Variants in SPAM1 observed in about 807,000 individuals in gnomAD.
SPAM1 encodes the protein hyaluronidase PH-20.
In SPAM1, 22 loss-of-function variants were observed where a neutral mutation model predicts 29.6. That is an observed-to-expected ratio of 0.74 (90% CI 0.53 to 1.06). SPAM1 has a LOEUF of 1.06. SPAM1 is among the 50% of genes least tolerant of loss of function. The pLI is 0.00. For missense variants in SPAM1, 534 were observed against 604.0 expected, an observed-to-expected ratio of 0.88 and a Z score of 1.21; for synonymous variants, 194 against 204.6, an observed-to-expected ratio of 0.95 and a Z score of 0.44.
intron 1 of SPAM1, chr7:123,925,952 A>T (rs1375384907): frequency 6.6e-6 from 1 of 152,184 alleles, no homozygotes; most frequent in Admixed American, 6.6e-5. Context: ...TCATACAGGA[A>T]TGGGGACATG....
At chr7:123,940,144 G>A (rs761293736) in intron 1 of SPAM1, among the ~76,000 whole-genome samples, 3 of 151,162 alleles carry the variant, frequency 2.0e-5, no homozygotes, top group Non-Finnish European at 2.9e-5. Flanking sequence ...GATTTAGTTT[G>A]TGTTTGAACA....
intron 1 of SPAM1, among the ~76,000 whole-genome samples, chr7:123,934,095 C>A (rs1808175815): frequency 6.6e-6 from 1 of 152,034 alleles, no homozygotes; most frequent in South Asian, 2.1e-4. Flanking sequence ...TAAGTTATAC[C>A]ACATAGTTTA....
chr7:123,944,340 A>G (rs1337668840), intron 1 of SPAM1, among the ~76,000 whole-genome samples: 1 of 152,182 alleles, frequency 6.6e-6, no homozygotes, highest in Non-Finnish European at 1.5e-5. Flanking sequence ...CCTGTACTCA[A>G]TGACACAAGG....
At chr7:123,969,810 A>AT (rs1196276757) in intron 5 of SPAM1, among the ~76,000 whole-genome samples, 5 of 149,748 alleles carry the variant, frequency 3.3e-5, no homozygotes, top group South Asian at 2.1e-4. Context: ...AGATTTTAAG[A>AT]TTTTTTCTTC....
chr7:123,936,391 G>A (rs866404066), intron 1 of SPAM1, among the ~76,000 whole-genome samples: 3 of 152,188 alleles, frequency 2.0e-5, no homozygotes, highest in African/African-American at 4.8e-5. Context: ...AAAAGGAGAC[G>A]AGTTAGCTCC....
chr7:123,958,348 G>A (rs1041988998), intron 4 of SPAM1, among the ~76,000 whole-genome samples: 6 of 151,952 alleles, frequency 3.9e-5, no homozygotes, highest in Non-Finnish European at 8.8e-5. Flanking sequence ...GAACATACCA[G>A]TCTCAAGATG....
intron 2 of SPAM1, 83 bp from the exon 3 acceptor site, chr7:123,953,282 C>A (rs1188900309): frequency 4.8e-5 from 14 of 293,648 alleles, no homozygotes; most frequent in Admixed American, 3.5e-4. Flanking sequence ...AAACCCCCTG[C>A]ACTTAAAGTT....
In SPAM1 at chr7:123,932,533, C is replaced by G. The variant is rs371109325; in HGVS notation, c.-319+7181C>G. 6 of 152,596 alleles carry G rather than the reference C, an allele frequency of 3.9e-5. No homozygotes were observed. In the East Asian group the frequency reaches 1.2e-3, roughly 29 times the overall value. The allele number at this position is 152,596 out of a possible 1,614,324, so 9.5% of individuals were successfully genotyped here. A position where few individuals can be genotyped will look rare whatever the true frequency, so the allele number is the denominator to read the frequency against. Reference sequence around the variant, plus strand: ...TTGAACCATTACTCTGCACATGGACCAGAAAAAGTGTACAAGACCCTAATC... The same window carrying G: ...TTGAACCATTACTCTGCACATGGACGAGAAAAAGTGTACAAGACCCTAATC... On this transcript the variant is annotated intron_variant, in intron 1 of 4. Coordinates refer to ENST00000682466, the MANE Select transcript of SPAM1 (RefSeq NM_153189.3).
At chr7:123,937,442 A>C (rs1200312669) in intron 1 of SPAM1, among the ~76,000 whole-genome samples, 3 of 152,048 alleles carry the variant, frequency 2.0e-5, no homozygotes, top group Non-Finnish European at 4.4e-5. Flanking sequence ...TCTACTAAAA[A>C]TACAAAAAAT....
rs1280682942 is a variant in SPAM1, at chr7:123,954,196, T to G, written c.626T>G (p.Leu209Ter). The stretch of plus-strand genomic sequence containing the variant: ...GTAGAGACTATAAAATTGGGAAAAT[T>G]ACTTCGGCCAAATCACTTGTGGGGT... ...FLVETIKLGK[L>*]LRPNHLWGYY... Residue 209 changes from leucine to a stop codon, truncating the protein, a stop_gained, in exon 3 of 5, where the codon TTA becomes TGA. Transcript: ENST00000682466. LOFTEE classifies it high-confidence loss of function. 1.2e-6 allele frequency: 2 copies of G among 1,613,574 alleles called. No homozygotes were observed. The highest frequency in any genetic ancestry group is 1.7e-6 in the Non-Finnish European group (2 of 1,179,738).
intron 5 of SPAM1, among the ~76,000 whole-genome samples, chr7:123,969,207 GTTTACAAATA>G (rs1248529713): frequency 1.3e-5 from 2 of 151,990 alleles, no homozygotes; most frequent in Non-Finnish European, 2.9e-5. Flanking sequence ...CAGATGAACT[GTTTACAAATA>G]TTTTCTCTCA....
intron 1 of SPAM1, among the ~76,000 whole-genome samples, chr7:123,933,229 A>AC (rs1808145403): frequency 6.6e-6 from 1 of 151,130 alleles, no homozygotes; most frequent in Admixed American, 6.6e-5. Flanking sequence ...CTTGCCCCCG[A>AC]CCCCTGACAG....
intron 5 of SPAM1, among the ~76,000 whole-genome samples, chr7:123,966,283 A>C (rs1437984691): frequency 1.3e-5 from 2 of 152,078 alleles, no homozygotes; most frequent in Non-Finnish European, 2.9e-5. Flanking sequence ...GATGCTGGTG[A>C]GGTTGCAGAG....
chr7:123,953,515 G>C lies in SPAM1; in HGVS notation c.-56G>C. ...TGCTCATACTTTGCATCAGATATTG[G>C]GTAAACCAAAGTGTGTAGGAAGAAA... On this transcript the variant is annotated 5_prime_UTR_variant, in exon 3 of 5. Coordinates refer to ENST00000682466, the MANE Select transcript of SPAM1 (RefSeq NM_153189.3). 8.6e-7 allele frequency: 1 copy of C among 1,162,132 alleles called. No homozygotes were observed. Among genetic ancestry groups the C allele is most frequent in the Non-Finnish European group, 1.2e-6 (1 of 822,468 alleles). The allele number at this position is 1,162,132 out of a possible 1,614,324, so 72.0% of individuals were successfully genotyped here.
At chr7:123,936,946 A>AT (rs1808258109) in intron 1 of SPAM1, among the ~76,000 whole-genome samples, 1 of 152,156 alleles carries the variant, frequency 6.6e-6, no homozygotes, top group African/African-American at 2.4e-5. Flanking sequence ...TGCTATGTAT[A>AT]ACTCTTCCTC....
At chr7:123,960,409 C>T (rs1037119150), downstream of SPAM1, among the ~76,000 whole-genome samples, 3 of 151,902 alleles carry the variant, frequency 2.0e-5, no homozygotes, top group African/African-American at 7.3e-5. Context: ...TCTATTTCTC[C>T]TCTGCTCAGA....
chr7:123,963,348 A>AT (rs60045269), downstream of SPAM1, among the ~76,000 whole-genome samples: 49,547 of 150,768 alleles, frequency 0.33, 9,346 homozygotes, highest in African/African-American at 0.51. Context: ...GGTATCTTTT[A>AT]TTTTTTTTCA....
chr7:123,941,864 A>G (rs1166708469), intron 1 of SPAM1, among the ~76,000 whole-genome samples: 5 of 152,168 alleles, frequency 3.3e-5, no homozygotes, highest in East Asian at 1.9e-4. Flanking sequence ...CCTTGTGGCT[A>G]GGGCAGTTTA....
At chr7:123,967,210 A>G (rs780781768) in intron 5 of SPAM1, among the ~76,000 whole-genome samples, 1 of 151,976 alleles carries the variant, frequency 6.6e-6, no homozygotes, top group Non-Finnish European at 1.5e-5. Context: ...TTGTTTCAGC[A>G]AACAGAAATA....
Sources: gnomAD v4.1 joint callset for allele counts (sites outside exome capture counted in the v4.1 genomes callset) on GRCh38, gnomAD v4.1.1 for gene constraint, MANE v1.5 for transcripts, NCBI Gene and HGNC (gene_info 2026-07-23, HGNC 2026-07-21) for gene names.